Variants in PTPRD observed in about 807,000 individuals in gnomAD.
The protein encoded by PTPRD is receptor-type tyrosine-protein phosphatase delta.
PTPRD carries 34 observed loss-of-function variants against 214.5 expected under a neutral mutation model. The ratio of observed to expected loss-of-function variants is 0.16; its 90% CI spans 0.12 to 0.21. The LOEUF is 0.21. Ranked by LOEUF, PTPRD falls within the 10% of genes least tolerant of loss-of-function variation. The probability of loss-of-function intolerance (pLI) is 1.00; values close to 1 mark genes in which losing one functional copy is unlikely to be tolerated. For missense variants in PTPRD, 2,545 were observed against 2,398.7 expected (o/e 1.06, Z -1.27); for synonymous variants, 1,128 against 845.7 (o/e 1.33, Z -5.79).
intron 10 of PTPRD, among the ~76,000 whole-genome samples, chr9:9,086,137 G>A (rs1042861428): frequency 1.3e-5 from 2 of 152,060 alleles, no homozygotes; most frequent in Admixed American, 6.6e-5. Context: ...CTTCCAGAAC[G>A]GCACCAAATC....
chr9:10,183,697 G>A (rs554747619), intron 3 of PTPRD, among the ~76,000 whole-genome samples: 2 of 152,272 alleles, frequency 1.3e-5, no homozygotes, highest in African/African-American at 2.4e-5. Context: ...GAAAAAGTAA[G>A]TGAAGGGGAC....
chr9:9,219,648 G>C (rs1332047265), intron 9 of PTPRD, among the ~76,000 whole-genome samples: 1 of 152,112 alleles, frequency 6.6e-6, no homozygotes, highest in Non-Finnish European at 1.5e-5. Flanking sequence ...TGTATCAAGA[G>C]CAATCCCTGT....
intron 11 of PTPRD, chr9:8,797,075 CCTTA>C (rs2096451464): frequency 6.6e-6 from 1 of 151,988 alleles, no homozygotes; most frequent in Non-Finnish European, 1.5e-5. Flanking sequence ...ACATGATACG[CCTTA>C]CTATTAGTAC....
chr9:10,167,654 C>T (rs1463327493), intron 3 of PTPRD, among the ~76,000 whole-genome samples: 1 of 152,138 alleles, frequency 6.6e-6, no homozygotes, highest in Admixed American at 6.6e-5. Context: ...CTGTTTAATA[C>T]TTATTCTTAG....
intron 3 of PTPRD, among the ~76,000 whole-genome samples, chr9:10,277,006 G>T (rs1456030360): frequency 6.6e-6 from 1 of 152,062 alleles, no homozygotes; most frequent in African/African-American, 2.4e-5. Flanking sequence ...ATGTCCAAAG[G>T]CCAGGCATAG....
chr9:10,103,004 A>G (rs1404974305), intron 3 of PTPRD, among the ~76,000 whole-genome samples: 1 of 151,674 alleles, frequency 6.6e-6, no homozygotes, highest in Non-Finnish European at 1.5e-5. Flanking sequence ...TTCAGGAAGA[A>G]TAAGAGTAGG....
At chr9:9,531,329 A>G (rs2075405563) in intron 8 of PTPRD, among the ~76,000 whole-genome samples, 1 of 152,192 alleles carries the variant, frequency 6.6e-6, no homozygotes, top group South Asian at 2.1e-4. Flanking sequence ...GGACAAGGAA[A>G]TTGAGGGCTG....
intron 5 of PTPRD, among the ~76,000 whole-genome samples, chr9:9,784,235 A>G (rs1293152654): frequency 6.6e-6 from 1 of 152,122 alleles, no homozygotes; most frequent in Admixed American, 6.5e-5. Context: ...GATAAAGCTA[A>G]CATATCTAAA....
At chr9:8,735,835 C>T (rs1480862130) in intron 11 of PTPRD, among the ~76,000 whole-genome samples, 1 of 150,790 alleles carries the variant, frequency 6.6e-6, no homozygotes, top group Non-Finnish European at 1.5e-5. Flanking sequence ...TCACTTGAAC[C>T]CAGGAGACAG....
At chr9:9,087,702 G>C (rs998678965) in intron 10 of PTPRD, among the ~76,000 whole-genome samples, 1 of 151,922 alleles carries the variant, frequency 6.6e-6, no homozygotes, top group African/African-American at 2.4e-5. Context: ...GAAAGTCAAG[G>C]CTCAGGGAGC....
rs529900319 is a variant in PTPRD at position 9,085,713 on chromosome 9, T to C, written c.-142-66978A>G. Among the ~76,000 whole-genome samples, 3 of 152,208 alleles carry C rather than the reference T, an allele frequency of 2.0e-5. No homozygotes were observed. In the South Asian group the frequency reaches 6.2e-4, roughly 32 times the overall value. Reference sequence around the variant, plus strand: ...CTTAATTGTCGGTTTGCCACCTCATTGCCATATACAGGGTCAAATGCATCT... The same window carrying C: ...CTTAATTGTCGGTTTGCCACCTCATCGCCATATACAGGGTCAAATGCATCT... On this transcript the variant is annotated intron_variant, in intron 10 of 45. Coordinates refer to ENST00000381196, the MANE Select transcript of PTPRD (RefSeq NM_002839.4).
intron 2 of PTPRD, among the ~76,000 whole-genome samples, chr9:10,611,445 G>C (rs1375990242): frequency 2.0e-5 from 3 of 152,002 alleles, no homozygotes; most frequent in Non-Finnish European, 4.4e-5. Flanking sequence ...ATAACACAAA[G>C]GTTTTATTTA....
chr9:8,929,791 ATG>A (rs1267158553), intron 11 of PTPRD, among the ~76,000 whole-genome samples: 3 of 115,932 alleles, frequency 2.6e-5, no homozygotes, highest in African/African-American at 1.1e-4. Flanking sequence ...GTGTGTATAT[ATG>A]TGTGTGTATA....
At chr9:9,918,690 C>A (rs1447287454) in intron 5 of PTPRD, among the ~76,000 whole-genome samples, 1 of 151,758 alleles carries the variant, frequency 6.6e-6, no homozygotes, top group East Asian at 1.9e-4. Flanking sequence ...CAGCATAACA[C>A]TGGCATAAAA....
chr9:10,003,094 C>G (rs1482428207), intron 4 of PTPRD, among the ~76,000 whole-genome samples: 1 of 151,684 alleles, frequency 6.6e-6, no homozygotes, highest in Non-Finnish European at 1.5e-5. Context: ...GGTGACATAT[C>G]AAGTGTGTCT....
chr9:9,149,676 T>C (rs1308268911), intron 10 of PTPRD, among the ~76,000 whole-genome samples: 2 of 152,242 alleles, frequency 1.3e-5, no homozygotes, highest in African/African-American at 2.4e-5. Context: ...AGTAAAGTTA[T>C]CTCACTTAGA....
chr9:9,899,002 C>A (rs2075741712), intron 5 of PTPRD, among the ~76,000 whole-genome samples: 1 of 152,034 alleles, frequency 6.6e-6, no homozygotes, highest in African/African-American at 2.4e-5. Context: ...AAAAAACTAC[C>A]AAACAAAAAT....
intron 3 of PTPRD, among the ~76,000 whole-genome samples, chr9:10,306,531 G>A (rs971709772): frequency 5.3e-5 from 8 of 152,044 alleles, no homozygotes; most frequent in Non-Finnish European, 1.2e-4. Context: ...TCAAATATGC[G>A]ATACAATATA....
At chr9:10,026,506 G>C (rs778629474) in intron 4 of PTPRD, among the ~76,000 whole-genome samples, 4 of 152,170 alleles carry the variant, frequency 2.6e-5, no homozygotes, top group Non-Finnish European at 5.9e-5. Context: ...TGTTTTAATA[G>C]AGTGAAACAA....
Sources: gnomAD v4.1 joint callset for allele counts (sites outside exome capture counted in the v4.1 genomes callset) on GRCh38, gnomAD v4.1.1 for gene constraint, MANE v1.5 for transcripts, NCBI Gene and HGNC (gene_info 2026-07-23, HGNC 2026-07-21) for gene names.